Variants in LRP10 observed in about 807,000 individuals in gnomAD.
LRP10 encodes LDL receptor related protein 10.
In LRP10, 42 loss-of-function variants were observed where a neutral mutation model predicts 58.5. The observed-to-expected ratio is 0.72, with a 90% CI of 0.56 to 0.93. LRP10 has a LOEUF of 0.93. Ranked by LOEUF, LRP10 falls within the 40% of genes least tolerant of loss-of-function variation. LRP10 has a pLI of 0.00. For synonymous variants in LRP10, 377 were observed against 388.5 expected, an observed-to-expected ratio of 0.97 and a Z score of 0.35; for missense variants, 872 against 940.1, an observed-to-expected ratio of 0.93 and a Z score of 0.95.
At position 22,872,004 on chromosome 14, in the gene LRP10, G is replaced by A. The variant is rs184793897; in HGVS notation, c.-300G>A. On this transcript the variant is annotated 5_prime_UTR_variant, in exon 1 of 7. Transcript: ENST00000359591. ...GCTCGCTGCCTGCGGGCGGGCTGTAGGCGAGGGCGCGCCCCAGTGCCGAGA... is the reference window on the plus strand; with the variant it reads ...GCTCGCTGCCTGCGGGCGGGCTGTAAGCGAGGGCGCGCCCCAGTGCCGAGA... 191 of 537,594 alleles carry A rather than the reference G, an allele frequency of 3.6e-4. 1 individual carries two copies. The highest frequency in any genetic ancestry group is 3.5e-3 in the African/African-American group (174 of 49,316). The allele number at this position is 537,594 out of a possible 1,614,324, so 33.3% of individuals were successfully genotyped here.
rs1341871387 is a variant in LRP10, at chr14:22,872,617, C to G, written c.35-121C>G. The G allele has an allele frequency of 3.1e-6, 3 of 959,306 alleles. No individual in the cohort carries two copies. The African/African-American group carries it at 4.9e-5, about 16-fold the overall frequency. The allele number at this position is 959,306 out of a possible 1,614,324, so 59.4% of individuals were successfully genotyped here. Reference sequence around the variant, plus strand: ...CCCACGCCGCAGCCCTCTCCCGCCCCCCACTCCCTCTTCCGATTAACTGCC... The same window carrying G: ...CCCACGCCGCAGCCCTCTCCCGCCCGCCACTCCCTCTTCCGATTAACTGCC... On this transcript the variant is annotated intron_variant, in intron 1 of 6. Transcript: ENST00000359591.
rs2040028118 is a variant in LRP10, at chr14:22,878,274, G to T, written c.*747G>T. The T allele has an allele frequency of 6.6e-6, 1 of 152,126 alleles. No individual in the cohort carries two copies. Among genetic ancestry groups the T allele is most frequent in the Admixed American group, 6.5e-5 (1 of 15,268 alleles). 9.4% of individuals were successfully genotyped at this position (152,126 alleles called of 1,614,324 possible). ...GGTAAGAAAATTCTAGGAACCCTAAGGATCAATCCTCTCCATTTTCACTCA... is the reference window on the plus strand; with the variant it reads ...GGTAAGAAAATTCTAGGAACCCTAATGATCAATCCTCTCCATTTTCACTCA... On this transcript the variant is annotated 3_prime_UTR_variant, in exon 7 of 7. Coordinates refer to ENST00000359591, the MANE Select transcript of LRP10 (RefSeq NM_014045.5).
In LRP10 at chr14:22,881,377, G is replaced by A. The variant is rs985565615; in HGVS notation, c.*3850G>A. On this transcript the variant is annotated 3_prime_UTR_variant, in exon 7 of 7. Coordinates refer to ENST00000359591, the MANE Select transcript of LRP10 (RefSeq NM_014045.5). ...ATAAAAATACTCATTTTGGAAGGAA[G>A]TCATTCTAAAATGTTACACTTGTCT... 166 of 152,294 alleles carry A rather than the reference G, an allele frequency of 1.1e-3. 1 individual carries two copies. The highest frequency in any genetic ancestry group is 3.8e-3 in the African/African-American group (158 of 41,548). 9.4% of individuals were successfully genotyped at this position (152,294 alleles called of 1,614,324 possible). A position where few individuals can be genotyped will look rare whatever the true frequency, so the allele number is the denominator to read the frequency against.
chr14:22,872,335 T>A lies in LRP10; in HGVS notation c.32T>A (p.Leu11His), dbSNP rs746886072. Residue 11 changes from leucine to histidine, a missense_variant and splice_region_variant, in exon 1 of 7, where the codon CTT (leucine) becomes CAT (histidine). By Grantham distance (99) the Leu-to-His change is moderately conservative. Coordinates refer to ENST00000359591, the MANE Select transcript of LRP10 (RefSeq NM_014045.5). Reference sequence around the variant, plus strand: ...TTGGCCACCCTCCTCCTCCTCCTCCTTGGTAAGAACCGAAACGATACCAAC... The same window carrying A: ...TTGGCCACCCTCCTCCTCCTCCTCCATGGTAAGAACCGAAACGATACCAAC... MLLATLLLLL[L>H]GGALAHPDRI... 8.7e-6 allele frequency: 14 copies of A among 1,613,912 alleles called. No individual in the cohort carries two copies. In the East Asian group the frequency reaches 3.1e-4, roughly 36 times the overall value.
chr14:22,872,389 C>A, intron 1 of LRP10, 52 bp downstream of exon 1: 1 of 1,605,774 alleles, frequency 6.2e-7, no homozygotes, highest in Non-Finnish European at 8.5e-7. Flanking sequence ...GGGCCAGCAG[C>A]TCTAACTCCC....
intron 3 of LRP10, among the ~76,000 whole-genome samples, chr14:22,873,977 T>C (rs1324558326): frequency 6.6e-6 from 1 of 152,214 alleles, no homozygotes; most frequent in Non-Finnish European, 1.5e-5. Context: ...GACATCTAGC[T>C]TGAGTCCTGC....
rs780055634 is a variant in LRP10 at position 22,872,725 on chromosome 14, G to A, written c.35-13G>A. 3 of 1,613,840 alleles carry A rather than the reference G, an allele frequency of 1.9e-6. No individual in the cohort carries two copies. Among genetic ancestry groups the A allele is most frequent in the South Asian group, 2.2e-5 (2 of 91,062 alleles). On this transcript the variant is annotated splice_polypyrimidine_tract_variant and intron_variant, in intron 1 of 6. Coordinates refer to ENST00000359591, the MANE Select transcript of LRP10 (RefSeq NM_014045.5). ...GTGTCTCACGCTCCTGCCCTTTCTC[G>A]TTCCTCCTCTAGGAGGCGCTCTGGC...
chr14:22,876,526 A>AG (rs1299620620), intron 5 of LRP10, among the ~76,000 whole-genome samples, 154 bp downstream of exon 5: 1 of 152,182 alleles, frequency 6.6e-6, no homozygotes, highest in Non-Finnish European at 1.5e-5. Flanking sequence ...CCAGATCCTG[A>AG]AAGCAGTTTC....
At chr14:22,873,103 T>C in intron 2 of LRP10, 1 of 626,284 alleles carries the variant, frequency 1.6e-6, no homozygotes, top group East Asian at 2.8e-5. Flanking sequence ...TTCGTGATAT[T>C]AGTATTTACT....
rs952989946 is a variant in LRP10 at position 22,879,384 on chromosome 14, C to T, written c.*1857C>T. Reference sequence around the variant, plus strand: ...CTCCCTTTGGGCCCTCCTTCCCAAACGCAAACAATCCAGGATCCACTCAGC... The same window carrying T: ...CTCCCTTTGGGCCCTCCTTCCCAAATGCAAACAATCCAGGATCCACTCAGC... On this transcript the variant is annotated 3_prime_UTR_variant, in exon 7 of 7. Transcript: ENST00000359591. The T allele has an allele frequency of 1.9e-5, 6 of 311,328 alleles. No homozygotes were observed. The highest frequency in any genetic ancestry group is 3.7e-5 in the Admixed American group (1 of 27,144). 19.3% of individuals were successfully genotyped at this position (311,328 alleles called of 1,614,324 possible).
chr14:22,875,476 A>T lies in LRP10; in HGVS notation c.528A>T (p.Ser176=). 6.2e-7 allele frequency: 1 copy of T among 1,614,188 alleles called. No individual in the cohort carries two copies. The highest frequency in any genetic ancestry group is 8.5e-7 in the Non-Finnish European group (1 of 1,180,006). The change falls in exon 5 of 7, where the codon TCA becomes TCT. Residue 176 remains serine, a synonymous_variant. Transcript: ENST00000359591. ...GCTCTGATGAAGCAGGTTGCAGCTC[A>T]GACCCCTTCCCTGGCCTGACCCCAA... is the stretch of plus-strand genomic sequence containing the variant. The part of the protein sequence containing the change: ...GDGSDEAGCS[S]DPFPGLTPRP...
rs1200218981 is a variant in LRP10 at position 22,872,319 on chromosome 14, C to A, written c.16C>A (p.Leu6Ile). 3 of 1,523,654 alleles carry A rather than the reference C, an allele frequency of 2.0e-6. No individual in the cohort carries two copies. Among genetic ancestry groups the A allele is most frequent in the African/African-American group, 2.7e-5 (2 of 72,732 alleles). 94.4% of individuals were successfully genotyped at this position (1,523,654 alleles called of 1,614,324 possible). The change falls in exon 1 of 7, where the codon CTC (leucine) becomes ATC (isoleucine). Residue 6 changes from leucine to isoleucine, a missense_variant. By Grantham distance (5) the Leu-to-Ile change is conservative. Transcript: ENST00000359591. MLLAT[L>I]LLLLLGGALA... ...ACAGCCCAGGATGCTGTTGGCCACC[C>A]TCCTCCTCCTCCTCCTTGGTAAGAA...
In LRP10 at chr14:22,877,738, G is replaced by A. The variant is rs758460669; in HGVS notation, c.*211G>A. On this transcript the variant is annotated 3_prime_UTR_variant, in exon 7 of 7. Coordinates refer to ENST00000359591, the MANE Select transcript of LRP10 (RefSeq NM_014045.5). This position sits in a 1 kb window ranked among gnomAD's most constrained non-coding sequence, Gnocchi z 5.1. Reference sequence around the variant, plus strand: ...AGGGCTCACAGAGTCTCCTCTGTACGTGGCCATGGCCAGACACCCCAGTCC... The same window carrying A: ...AGGGCTCACAGAGTCTCCTCTGTACATGGCCATGGCCAGACACCCCAGTCC... 56 of 490,860 alleles carry A rather than the reference G, an allele frequency of 1.1e-4. No individual in the cohort carries two copies. The highest frequency in any genetic ancestry group is 1.8e-4 in the Non-Finnish European group (51 of 279,218). 30.4% of individuals were successfully genotyped at this position (490,860 alleles called of 1,614,324 possible).
At position 22,877,768 on chromosome 14, in the gene LRP10, ACCAC is replaced by A; in HGVS notation, c.*243_*246del. 1 of 413,212 alleles carries A rather than the reference ACCAC, an allele frequency of 2.4e-6. No homozygotes were observed. Among genetic ancestry groups the A allele is most frequent in the South Asian group, 7.1e-5 (1 of 14,112 alleles). 25.6% of individuals were successfully genotyped at this position (413,212 alleles called of 1,614,324 possible). ...CATGGCCAGACACCCCAGTCCCTTC[ACCAC>A]CACCTGCTCCCCACGCCACCACCAT... On this transcript the variant is annotated 3_prime_UTR_variant, in exon 7 of 7. Coordinates refer to ENST00000359591, the MANE Select transcript of LRP10 (RefSeq NM_014045.5). This position sits in a 1 kb window ranked among gnomAD's most constrained non-coding sequence, Gnocchi z 5.1.
intron 3 of LRP10, among the ~76,000 whole-genome samples, chr14:22,874,836 A>C (rs932823000): frequency 7.9e-5 from 12 of 152,208 alleles, no homozygotes; most frequent in African/African-American, 2.9e-4. Flanking sequence ...GCAGTGATCC[A>C]AGATCACACC....
rs1233054990 is a variant in LRP10, at chr14:22,875,667, A to T, written c.719A>T (p.Asp240Val). The T allele has an allele frequency of 1.2e-6, 2 of 1,614,038 alleles. No individual in the cohort carries two copies. Among genetic ancestry groups the T allele is most frequent in the South Asian group, 2.2e-5 (2 of 91,070 alleles). ...CTGGCCGTGCGCTTCACAGCCCTGG[A>T]CTTGGGCTTTGGAGATGCAGTGCAT... Reference protein sequence around the residue: ...RRLAVRFTALDLGFGDAVHVY... With the variant: ...RRLAVRFTALVLGFGDAVHVY... The change falls in exon 5 of 7, where the codon GAC (aspartate) becomes GTC (valine). Residue 240 changes from aspartate to valine, a missense_variant. Asp to Val is a radical substitution (Grantham distance 152, BLOSUM62 -3). Coordinates refer to ENST00000359591, the MANE Select transcript of LRP10 (RefSeq NM_014045.5).
At chr14:22,874,647 G>A (rs1017670079) in intron 3 of LRP10, among the ~76,000 whole-genome samples, 1 of 152,248 alleles carries the variant, frequency 6.6e-6, no homozygotes, top group African/African-American at 2.4e-5. Context: ...CAGCACTTTG[G>A]GAGACCAAGG....
At position 22,875,487 on chromosome 14, in the gene LRP10, C is replaced by G; in HGVS notation, c.539C>G (p.Pro180Arg). 1.9e-6 allele frequency: 3 copies of G among 1,614,248 alleles called. No individual in the cohort carries two copies. The highest frequency in any genetic ancestry group is 2.5e-6 in the Non-Finnish European group (3 of 1,180,036). ...DEAGCSSDPF[P>R]GLTPRPVPSL... Reference sequence around the variant, plus strand: ...GCAGGTTGCAGCTCAGACCCCTTCCCTGGCCTGACCCCAAGACCCGTCCCC... The same window carrying G: ...GCAGGTTGCAGCTCAGACCCCTTCCGTGGCCTGACCCCAAGACCCGTCCCC... Residue 180 changes from proline (P) to arginine (R), a missense_variant, in exon 5 of 7, where the codon CCT becomes CGT. By Grantham distance (103) the Pro-to-Arg change is moderately radical. Coordinates refer to ENST00000359591, the MANE Select transcript of LRP10 (RefSeq NM_014045.5).
rs1051416446 is a variant in LRP10 at position 22,874,985 on chromosome 14, G to A, written c.216-70G>A. On this transcript the variant is annotated intron_variant, in intron 3 of 6. Coordinates refer to ENST00000359591, the MANE Select transcript of LRP10 (RefSeq NM_014045.5). The stretch of plus-strand genomic sequence containing the variant: ...CTTCCTGGGACACAAGGGGCCTGGT[G>A]GCACCAGGGGAGGAGAAAGCCAGCA... 5 of 1,190,270 alleles carry A rather than the reference G, an allele frequency of 4.2e-6. No homozygotes were observed. The South Asian group carries it at 9.0e-5, about 21-fold the overall frequency. 73.7% of individuals were successfully genotyped at this position (1,190,270 alleles called of 1,614,324 possible).
Sources: gnomAD v4.1 joint callset for allele counts (sites outside exome capture counted in the v4.1 genomes callset) on GRCh38, gnomAD v4.1.1 for gene constraint, Gnocchi (gnomAD v3.1) non-coding constraint, MANE v1.5 for transcripts, NCBI Gene and HGNC (gene_info 2026-07-23, HGNC 2026-07-21) for gene names.